Variants in HSD17B7 observed in about 807,000 individuals in gnomAD.
The protein encoded by HSD17B7 is hydroxysteroid 17-beta dehydrogenase 7.
In HSD17B7, 17 loss-of-function variants were observed where a neutral mutation model predicts 34.1. The ratio of observed to expected loss-of-function variants is 0.50; its 90% CI spans 0.34 to 0.75. The LOEUF (loss-of-function observed/expected upper bound fraction) is 0.75. HSD17B7 is among the 30% of genes least tolerant of loss of function. HSD17B7 has a pLI of 0.01. For missense variants in HSD17B7, 296 were observed against 406.6 expected, an observed-to-expected ratio of 0.73 and a Z score of 2.34; for synonymous variants, 122 against 154.6, an observed-to-expected ratio of 0.79 and a Z score of 1.56.
In HSD17B7 at chr1:162,796,669, C is replaced by G; in HGVS notation, c.324C>G (p.Leu108=). ...QLNIKALFFG[L]FSRKVIHMFS... Reference sequence around the variant, plus strand: ...ATATCAAAGCACTTTTCTTTGGCCTCTTTTCAAGGTAATTTTCGTTTTATG... The same window carrying G: ...ATATCAAAGCACTTTTCTTTGGCCTGTTTTCAAGGTAATTTTCGTTTTATG... The change falls in exon 3 of 9, where the codon CTC becomes CTG. Residue 108 remains leucine (L), a synonymous_variant. Transcript: ENST00000254521. The G allele has an allele frequency of 1.2e-6, 2 of 1,603,344 alleles. No individual in the cohort carries two copies. The highest frequency in any genetic ancestry group is 2.2e-5 in the East Asian group (1 of 44,794).
rs748505486 is a variant in HSD17B7 at position 162,804,287 on chromosome 1, A to G, written c.768A>G (p.Ala256=). The G allele has an allele frequency of 1.2e-6, 2 of 1,610,028 alleles. No individual in the cohort carries two copies. The highest frequency in any genetic ancestry group is 1.7e-6 in the Non-Finnish European group (2 of 1,178,170). Reference sequence around the variant, plus strand: ...CGCAGCTTCGCTTTTTTGCAAATGCATTCACTTTGACACCATATAATGGAA... The same window carrying G: ...CGCAGCTTCGCTTTTTTGCAAATGCGTTCACTTTGACACCATATAATGGAA... ...AILLLRFFAN[A]FTLTPYNGTE... Residue 256 remains alanine, a synonymous_variant, in exon 7 of 9, where the codon GCA becomes GCG. Transcript: ENST00000254521.
At position 162,799,869 on chromosome 1, in the gene HSD17B7, C is replaced by T. The variant is rs752902389; in HGVS notation, c.574C>T (p.Pro192Ser). 1.2e-6 allele frequency: 2 copies of T among 1,614,070 alleles called. No individual in the cohort carries two copies. The highest frequency in any genetic ancestry group is 8.5e-7 in the Non-Finnish European group (1 of 1,179,976). Residue 192 changes from proline to serine, a missense_variant, in exon 5 of 9, where the codon CCC becomes TCC. Pro to Ser is a moderately conservative substitution (Grantham distance 74, BLOSUM62 -1). Coordinates refer to ENST00000254521, the MANE Select transcript of HSD17B7 (RefSeq NM_016371.4). ...EDFQHSKGKE[P>S]YSSSKYATDL... ...CTTCCAGCACAGCAAAGGCAAGGAA[C>T]CCTACAGCTCTTCCAAATATGCCAC...
chr1:162,803,967 A>G, intron 6 of HSD17B7, among the ~76,000 whole-genome samples: 1 of 152,212 alleles, frequency 6.6e-6, no homozygotes, highest in Non-Finnish European at 1.5e-5. Flanking sequence ...TTTCTGTGGC[A>G]CATCTTGAAA....
At chr1:162,808,958 A>C (rs1272855087) in intron 8 of HSD17B7, among the ~76,000 whole-genome samples, 2 of 152,070 alleles carry the variant, frequency 1.3e-5, no homozygotes, top group Non-Finnish European at 2.9e-5. Context: ...AATACCCTTT[A>C]TTTCTTTCTC....
intron 7 of HSD17B7, 145 bp downstream of exon 7, chr1:162,804,468 G>A (rs1481646752): frequency 6.5e-5 from 39 of 599,852 alleles, no homozygotes; most frequent in Non-Finnish European, 1.0e-4. Context: ...GAACTAAAGC[G>A]GACTATAAGG....
At chr1:162,808,494 A>G (rs1362740812) in intron 8 of HSD17B7, among the ~76,000 whole-genome samples, 3 of 152,252 alleles carry the variant, frequency 2.0e-5, no homozygotes, top group African/African-American at 7.2e-5. Flanking sequence ...GTTTTTTCCA[A>G]TTCTGTGAAG....
At chr1:162,803,320 A>C (rs1648876133) in intron 5 of HSD17B7, 111 bp from the exon 6 acceptor site, 4 of 1,139,630 alleles carry the variant, frequency 3.5e-6, no homozygotes, top group Non-Finnish European at 4.8e-6. Flanking sequence ...TAAATTCTTT[A>C]TTACCTGACT....
intron 8 of HSD17B7, among the ~76,000 whole-genome samples, chr1:162,807,836 G>T (rs1649035857): frequency 1.3e-5 from 2 of 151,864 alleles, no homozygotes; most frequent in African/African-American, 4.8e-5. Context: ...TTTTTTTCTT[G>T]TAAATTTGAG....
rs376945120 is a variant in HSD17B7 at position 162,799,564 on chromosome 1, C to G, written c.448-179C>G. ...AGAGATATATATGTACATACTAACTCATGTATGTATACATATCTATAAATA... is the reference window on the plus strand; with the variant it reads ...AGAGATATATATGTACATACTAACTGATGTATGTATACATATCTATAAATA... On this transcript the variant is annotated intron_variant, in intron 4 of 8. Coordinates refer to ENST00000254521, the MANE Select transcript of HSD17B7 (RefSeq NM_016371.4). The G allele has an allele frequency of 1.3e-3, 712 of 556,980 alleles. 3 individuals are homozygous for G. The highest frequency in any genetic ancestry group is 2.0e-3 in the Non-Finnish European group (622 of 308,720). The allele number at this position is 556,980 out of a possible 1,614,324, so 34.5% of individuals were successfully genotyped here.
intron 2 of HSD17B7, among the ~76,000 whole-genome samples, chr1:162,796,295 G>T (rs997130713): frequency 2.0e-5 from 3 of 152,018 alleles, no homozygotes; most frequent in Non-Finnish European, 4.4e-5. Context: ...TTGATCAGAG[G>T]TTTTACTTAA....
chr1:162,805,303 G>A (rs1648942259), intron 7 of HSD17B7, 91 bp from the exon 8 acceptor site: 1 of 1,486,328 alleles, frequency 6.7e-7, no homozygotes, highest in Admixed American at 2.4e-5. Context: ...ATTTGTCTGG[G>A]GAGCTCTATA....
At chr1:162,806,355 G>A (rs1490339683) in intron 8 of HSD17B7, among the ~76,000 whole-genome samples, 1 of 152,126 alleles carries the variant, frequency 6.6e-6, no homozygotes, top group Non-Finnish European at 1.5e-5. Flanking sequence ...GGGGAGCCAT[G>A]CACTTGGCTT....
At position 162,792,716 on chromosome 1, in the gene HSD17B7, G is replaced by T. The variant is rs1458607667; in HGVS notation, c.93G>T (p.Leu31=). ...RLLAEDDELH[L]CLACRNMSKA... ...TGGCGGAAGATGATGAGCTTCATCT[G>T]TGTTTGGCGTGCAGGAACATGAGCA... is the stretch of plus-strand genomic sequence containing the variant. Residue 31 remains leucine, a synonymous_variant, in exon 2 of 9, where the codon CTG becomes CTT. Coordinates refer to ENST00000254521, the MANE Select transcript of HSD17B7 (RefSeq NM_016371.4). 1.2e-6 allele frequency: 2 copies of T among 1,614,154 alleles called. No homozygotes were observed. Among genetic ancestry groups the T allele is most frequent in the Non-Finnish European group, 1.7e-6 (2 of 1,180,024 alleles).
intron 5 of HSD17B7, 154 bp from the exon 6 acceptor site, chr1:162,803,277 C>T (rs1340500276): frequency 1.7e-4 from 180 of 1,035,992 alleles, no homozygotes; most frequent in Non-Finnish European, 2.3e-4. Context: ...TCAACATAAA[C>T]GTTCTACCCA....
At chr1:162,797,313 C>G (rs1319888354) in intron 3 of HSD17B7, 1 of 160,170 alleles carries the variant, frequency 6.2e-6, no homozygotes, top group Non-Finnish European at 1.4e-5. Context: ...GTCTCTCTCT[C>G]CCCGCATTGA....
Position 162,810,142 on chromosome 1 carries a change from G to A in HSD17B7, c.904-2156G>A, listed in dbSNP as rs190854547. ...TTAAATGTGTCCCAGAGATTCTGGT[G>A]TGTTGTGTCTTTGTTCTCATTGGTT... On this transcript the variant is annotated intron_variant, in intron 8 of 8. Transcript: ENST00000254521. 2.6e-4 allele frequency among the ~76,000 whole-genome samples: 40 copies of A among 152,198 alleles called. No individual in the cohort carries two copies. The East Asian group carries it at 7.3e-3, about 28-fold the overall frequency.
At chr1:162,795,949 G>A (rs1317770585) in intron 2 of HSD17B7, among the ~76,000 whole-genome samples, 1 of 152,056 alleles carries the variant, frequency 6.6e-6, no homozygotes, top group Non-Finnish European at 1.5e-5. Flanking sequence ...AGTATTCAGG[G>A]GGGAGCCCAA....
At chr1:162,793,674 G>C (rs529192855) in intron 2 of HSD17B7, among the ~76,000 whole-genome samples, 5 of 152,338 alleles carry the variant, frequency 3.3e-5, no homozygotes, top group African/African-American at 1.2e-4. Context: ...ACTGCCTTAC[G>C]TTAAGGTAAC....
intron 8 of HSD17B7, among the ~76,000 whole-genome samples, chr1:162,807,723 A>G (rs1000860954): frequency 6.6e-6 from 1 of 152,178 alleles, no homozygotes; most frequent in African/African-American, 2.4e-5. Context: ...TCTGATGGCC[A>G]GTGATGATGA....
Sources: allele counts gnomAD v4.1 joint callset (sites outside exome capture counted in the v4.1 genomes callset), GRCh38; gene constraint gnomAD v4.1.1; transcripts MANE v1.5; gene names NCBI Gene and HGNC (gene_info 2026-07-23, HGNC 2026-07-21).